Variants in TAFA2 observed in about 807,000 individuals in gnomAD.
The protein encoded by TAFA2 is chemokine-like protein TAFA-2.
In TAFA2, 7 loss-of-function variants were observed where a neutral mutation model predicts 18.8. That is an observed-to-expected ratio of 0.37 (90% CI 0.21 to 0.70). TAFA2 has a LOEUF of 0.70. Among genes scored for constraint, TAFA2 ranks in the 30% least tolerant of loss-of-function variants. The pLI is 0.53. For missense variants in TAFA2, 122 were observed against 158.1 expected (o/e 0.77, Z 1.23); for synonymous variants, 60 against 54.2 (o/e 1.11, Z -0.47).
At chr12:62,163,433 A>G (rs759760490) in intron 1 of TAFA2, among the ~76,000 whole-genome samples, 5 of 152,042 alleles carry the variant, frequency 3.3e-5, no homozygotes, top group Non-Finnish European at 7.4e-5. Context: ...GGGGTGTTGT[A>G]CTAAGATGGC....
At chr12:61,730,575 AG>A (rs992497283) in intron 4 of TAFA2, among the ~76,000 whole-genome samples, 2 of 152,004 alleles carry the variant, frequency 1.3e-5, no homozygotes, top group Admixed American at 1.3e-4. Flanking sequence ...CTCCATGGGC[AG>A]GGCTTGCTGC....
intron 2 of TAFA2, among the ~76,000 whole-genome samples, chr12:61,765,806 T>C (rs1428566608): frequency 6.6e-6 from 1 of 152,110 alleles, no homozygotes; most frequent in Non-Finnish European, 1.5e-5. Flanking sequence ...TAGATTTTTT[T>C]AGAGACTTAA....
At chr12:61,914,677 C>A (rs900662632) in intron 1 of TAFA2, among the ~76,000 whole-genome samples, 1 of 152,110 alleles carries the variant, frequency 6.6e-6, no homozygotes. Context: ...AAAATTGTAT[C>A]CTAAAATTAT....
At chr12:61,990,357 T>TTTTTTTTGG (rs1879961613) in intron 1 of TAFA2, among the ~76,000 whole-genome samples, 1 of 149,756 alleles carries the variant, frequency 6.7e-6, no homozygotes, top group Non-Finnish European at 1.5e-5. Context: ...TTTTTTTTTT[T>TTTTTTTTGG]GAGGCAGAGT....
At chr12:61,824,360 GTTGT>G (rs1183844548) in intron 2 of TAFA2, among the ~76,000 whole-genome samples, 1 of 152,134 alleles carries the variant, frequency 6.6e-6, no homozygotes, top group Non-Finnish European at 1.5e-5. Context: ...ATAAATGTGT[GTTGT>G]TTAAGCTGCT....
intron 1 of TAFA2, among the ~76,000 whole-genome samples, chr12:61,872,218 A>G (rs1592450365): frequency 6.6e-6 from 1 of 152,218 alleles, no homozygotes; most frequent in African/African-American, 2.4e-5. Flanking sequence ...ATGTATAAAA[A>G]AGATAAAAGT....
At chr12:62,211,004 T>G (rs528126129) in intron 1 of TAFA2, among the ~76,000 whole-genome samples, 4 of 151,950 alleles carry the variant, frequency 2.6e-5, no homozygotes, top group African/African-American at 9.7e-5. Flanking sequence ...AGGAAACCTA[T>G]AGAAGTCAAG....
chr12:61,910,100 T>TGTGTGTTTG (rs1876541479), intron 1 of TAFA2, among the ~76,000 whole-genome samples: 38 of 144,904 alleles, frequency 2.6e-4, no homozygotes, highest in African/African-American at 8.6e-4. Flanking sequence ...GTGTGTGTGT[T>TGTGTGTTTG]TGTGTGTGTG....
At chr12:62,073,421 G>T (rs1882683713) in intron 1 of TAFA2, among the ~76,000 whole-genome samples, 2 of 150,910 alleles carry the variant, frequency 1.3e-5, no homozygotes, top group Admixed American at 1.3e-4. Flanking sequence ...ATAGGTAGGT[G>T]TTATTATCTT....
chr12:61,912,948 G>C (rs2119379), intron 1 of TAFA2, among the ~76,000 whole-genome samples: 59,501 of 151,960 alleles, frequency 0.39, 12,410 homozygotes, highest in Non-Finnish European at 0.44. Flanking sequence ...AAAATGTATA[G>C]AATCCACACT....
intron 1 of TAFA2, among the ~76,000 whole-genome samples, chr12:62,227,516 G>C (rs1259181676): frequency 2.0e-5 from 3 of 152,080 alleles, no homozygotes; most frequent in Non-Finnish European, 4.4e-5. Flanking sequence ...CATGCATTCT[G>C]GTTATTACTC....
At chr12:61,763,063 G>A (rs1869630386) in intron 2 of TAFA2, among the ~76,000 whole-genome samples, 2 of 151,968 alleles carry the variant, frequency 1.3e-5, no homozygotes, top group Admixed American at 1.3e-4. Flanking sequence ...TCATTAGAAT[G>A]GGAAAATAGC....
rs564115745 is a variant in TAFA2 at position 61,921,174 on chromosome 12, A to G, written c.-1-53748T>C. On this transcript the variant is annotated intron_variant, in intron 1 of 4. Coordinates refer to ENST00000416284, the MANE Select transcript of TAFA2 (RefSeq NM_178539.5). ...AGAACCACAGAAGTGTTAAAGCAGA[A>G]GTATGACAAGATAAGACTTAGGTTT... is the stretch of plus-strand genomic sequence containing the variant. Among the ~76,000 whole-genome samples the G allele has an allele frequency of 4.6e-5, 7 of 152,374 alleles. No homozygotes were observed. The South Asian group carries it at 8.3e-4, about 18-fold the overall frequency.
chr12:62,119,256 TTCTAATTAGTTA>T (rs1200881527), intron 1 of TAFA2, among the ~76,000 whole-genome samples: 1 of 152,128 alleles, frequency 6.6e-6, no homozygotes, highest in East Asian at 1.9e-4. Flanking sequence ...TTACATAAAA[TTCTAATTAGTTA>T]TATAATGTTT....
intron 1 of TAFA2, among the ~76,000 whole-genome samples, chr12:61,943,484 C>T (rs1405518895): frequency 1.4e-5 from 2 of 144,606 alleles, no homozygotes; most frequent in Non-Finnish European, 3.0e-5. Context: ...GGACTAAATG[C>T]TCCAATTAAA....
intron 1 of TAFA2, among the ~76,000 whole-genome samples, chr12:61,915,027 G>C (rs578185979): frequency 2.1e-4 from 32 of 152,216 alleles, no homozygotes; most frequent in African/African-American, 7.5e-4. Flanking sequence ...TGGGCTTGGT[G>C]GTGGACACCT....
intron 1 of TAFA2, among the ~76,000 whole-genome samples, chr12:62,095,557 T>C (rs1025001573): frequency 6.6e-6 from 1 of 152,092 alleles, no homozygotes; most frequent in African/African-American, 2.4e-5. Context: ...ACAAATTTCA[T>C]TTAGTAAGGC....
chr12:61,867,458 T>C (rs1406817528), intron 1 of TAFA2, 32 bp from the exon 2 acceptor site: 2 of 1,319,396 alleles, frequency 1.5e-6, no homozygotes, highest in African/African-American at 1.5e-5. Flanking sequence ...AAATCATAAG[T>C]ATGCAAATTC....
chr12:61,980,131 A>G (rs1341786101), intron 1 of TAFA2, among the ~76,000 whole-genome samples: 1 of 152,164 alleles, frequency 6.6e-6, no homozygotes. Flanking sequence ...ATCCCTGGCC[A>G]TGCAAGGCTG....
Sources: gnomAD v4.1 joint callset for allele counts (sites outside exome capture counted in the v4.1 genomes callset) on GRCh38, gnomAD v4.1.1 for gene constraint, MANE v1.5 for transcripts, NCBI Gene and HGNC (gene_info 2026-07-23, HGNC 2026-07-21) for gene names.